The following NUDT6 variants were observed in gnomAD, a reference collection of about 807,000 sequenced individuals.
The protein encoded by NUDT6 is nudix hydrolase 6, also known as FAD diphosphatase NUDT6.
NUDT6 carries 24 observed loss-of-function variants against 36.8 expected under a neutral mutation model. The observed-to-expected ratio is 0.65, with a 90% CI of 0.47 to 0.92. The LOEUF (loss-of-function observed/expected upper bound fraction) is 0.92, where lower values mean the gene tolerates loss of function less well. NUDT6 is among the 40% of genes least tolerant of loss of function. NUDT6 has a pLI of 0.00. For synonymous variants in NUDT6, 163 were observed against 157.0 expected (o/e 1.04, Z -0.29); for missense variants, 388 against 392.8 (o/e 0.99, Z 0.10).
intron 4 of NUDT6, chr4:122,894,630 C>G (rs1421725883): frequency 4.6e-5 from 7 of 152,054 alleles, no homozygotes; most frequent in Non-Finnish European, 8.8e-5. Flanking sequence ...AATTTTTACT[C>G]TGATGTGCAA....
intron 3 of NUDT6, among the ~76,000 whole-genome samples, chr4:122,902,065 C>G (rs1034749014): frequency 8.6e-5 from 13 of 152,004 alleles, no homozygotes; most frequent in African/African-American, 3.1e-4. Flanking sequence ...TTTAATAATC[C>G]TATCGCCTTT....
At chr4:122,894,958 C>T (rs1449259178) in intron 4 of NUDT6, 1 of 152,104 alleles carries the variant, frequency 6.6e-6, no homozygotes, top group African/African-American at 2.4e-5. Context: ...GTTTCTATGT[C>T]GTGGAAGCAC....
chr4:122,908,571 T>C (rs1375808992), intron 3 of NUDT6, among the ~76,000 whole-genome samples: 1 of 152,336 alleles, frequency 6.6e-6, no homozygotes, highest in Non-Finnish European at 1.5e-5. Context: ...TTGTAACTCC[T>C]GCCTCCCTCA....
chr4:122,922,404 A>C lies in NUDT6; in HGVS notation c.169T>G (p.Ser57Ala), dbSNP rs1195961197. Reference sequence around the variant, plus strand: ...GCATCGAGCCGCGCCAGGCGCACCGAGATGCCCCCGAATCTGTCCAGCTCG... The same window carrying C: ...GCATCGAGCCGCGCCAGGCGCACCGCGATGCCCCCGAATCTGTCCAGCTCG... ...QGELDRFGGI[S>A]VRLARLDALD... Residue 57 changes from serine (S) to alanine (A), a missense_variant, in exon 1 of 5, where the codon TCG (serine) becomes GCG (alanine). Physicochemically the swap from Ser to Ala is moderately conservative, Grantham distance 99 (BLOSUM62 1). Transcript: ENST00000304430. 1.2e-6 allele frequency: 2 copies of C among 1,610,554 alleles called. No homozygotes were observed. Among genetic ancestry groups the C allele is most frequent in the Non-Finnish European group, 8.5e-7 (1 of 1,179,820 alleles).
chr4:122,910,353 G>T (rs1727708271), intron 3 of NUDT6, among the ~76,000 whole-genome samples: 1 of 152,126 alleles, frequency 6.6e-6, no homozygotes, highest in African/African-American at 2.4e-5. Flanking sequence ...AGCTATATCT[G>T]CCAGGAAAGC....
chr4:122,893,277 T>C lies in NUDT6; in HGVS notation c.554-52A>G, dbSNP rs777866250. ...CAATAATAATTACACTTTTAGAAAC[T>C]GTATCATCAAAGATTTTCAGTTAAA... On this transcript the variant is annotated intron_variant, in intron 4 of 4. Coordinates refer to ENST00000304430, the MANE Select transcript of NUDT6 (RefSeq NM_007083.5). The C allele has an allele frequency of 5.4e-6, 8 of 1,495,258 alleles. No homozygotes were observed. In the South Asian group the frequency reaches 8.3e-5, roughly 15 times the overall value. The allele number at this position is 1,495,258 out of a possible 1,614,324, so 92.6% of individuals were successfully genotyped here.
intron 3 of NUDT6, among the ~76,000 whole-genome samples, chr4:122,898,612 G>A (rs1245652448): frequency 1.3e-5 from 2 of 152,128 alleles, no homozygotes; most frequent in African/African-American, 2.4e-5. Context: ...ACTATGCTAG[G>A]TTGGAGACCA....
intron 3 of NUDT6, among the ~76,000 whole-genome samples, chr4:122,909,929 C>T (rs12499160): frequency 0.16 from 24,123 of 152,174 alleles, 2,412 homozygotes; most frequent in East Asian, 0.45. Flanking sequence ...AATGGGATGA[C>T]GCCTATTTAT....
At chr4:122,910,425 G>GA (rs1237666867) in intron 3 of NUDT6, among the ~76,000 whole-genome samples, 2 of 152,084 alleles carry the variant, frequency 1.3e-5, no homozygotes, top group Non-Finnish European at 2.9e-5. Context: ...TGTTTTCTAT[G>GA]AATTTCTGTG....
At chr4:122,899,044 A>ATTTTTTTTTTTTTTTTT (rs113708696) in intron 3 of NUDT6, among the ~76,000 whole-genome samples, 4,676 of 69,204 alleles carry the variant, frequency 0.068, 1,299 homozygotes, top group Middle Eastern at 0.12. Flanking sequence ...ACCACACCTA[A>ATTTTTTTTTTTTTTTTT]TTTTTTTTTT....
At chr4:122,904,214 C>T (rs1023851721) in intron 3 of NUDT6, among the ~76,000 whole-genome samples, 3 of 152,216 alleles carry the variant, frequency 2.0e-5, no homozygotes, top group African/African-American at 7.2e-5. Context: ...AATTGCATAA[C>T]AAAACTTTGT....
At chr4:122,903,299 A>G (rs900713627) in intron 3 of NUDT6, among the ~76,000 whole-genome samples, 1 of 152,140 alleles carries the variant, frequency 6.6e-6, no homozygotes, top group African/African-American at 2.4e-5. Context: ...ACCAGTACCA[A>G]CTGCCTAAAA....
intron 4 of NUDT6, chr4:122,893,502 A>T (rs1431070381): frequency 6.7e-6 from 2 of 296,890 alleles, no homozygotes; most frequent in African/African-American, 4.3e-5. Flanking sequence ...AGCTCTTTTT[A>T]ACTTCTTGCT....
intron 2 of NUDT6, among the ~76,000 whole-genome samples, chr4:122,915,469 CAAAAAAAAAAAAAA>C (rs61032259): frequency 0.069 from 2,918 of 42,192 alleles, 65 homozygotes; most frequent in Non-Finnish European, 0.11. Context: ...GACCCTGCCT[CAAAAAAAAAAAAAA>C]AAAAAAAAAA....
intron 4 of NUDT6, chr4:122,894,703 C>T (rs1039995970): frequency 2.6e-5 from 4 of 152,074 alleles, no homozygotes; most frequent in Non-Finnish European, 4.4e-5. Flanking sequence ...TATAAAATAT[C>T]CCCTAACATG....
intron 2 of NUDT6, among the ~76,000 whole-genome samples, chr4:122,917,020 C>G (rs72919883): frequency 0.044 from 6,763 of 152,170 alleles, 491 homozygotes; most frequent in African/African-American, 0.15. Flanking sequence ...TTACTCAGAA[C>G]AGCATGCAAT....
At chr4:122,900,422 A>AT (rs1727497557) in intron 3 of NUDT6, among the ~76,000 whole-genome samples, 1 of 150,476 alleles carries the variant, frequency 6.6e-6, no homozygotes, top group South Asian at 2.1e-4. Flanking sequence ...TCTTTCTACA[A>AT]TTTTTCCCAC....
intron 3 of NUDT6, among the ~76,000 whole-genome samples, chr4:122,908,211 T>C (rs1268332514): frequency 1.3e-5 from 2 of 152,222 alleles, no homozygotes; most frequent in African/African-American, 4.8e-5. Context: ...CTGACCATTA[T>C]TATGTTAACA....
At chr4:122,922,862 G>A, upstream of NUDT6, 1 of 560,294 alleles carries the variant, frequency 1.8e-6, no homozygotes. Flanking sequence ...GCCGGGAGGA[G>A]ATGCAAAAAC....
Sources: allele counts gnomAD v4.1 joint callset (sites outside exome capture counted in the v4.1 genomes callset), GRCh38; gene constraint gnomAD v4.1.1; transcripts MANE v1.5; gene names NCBI Gene and HGNC (gene_info 2026-07-23, HGNC 2026-07-21).